OSBPL9: variants seen among roughly 807,000 people sequenced by gnomAD.
OSBPL9 encodes the protein oxysterol binding protein like 9.
In OSBPL9, 40 loss-of-function variants were observed where a neutral mutation model predicts 106.6. The ratio of observed to expected loss-of-function variants is 0.38; its 90% CI spans 0.29 to 0.49. The LOEUF is 0.49. Ranked by LOEUF, OSBPL9 falls within the 20% of genes least tolerant of loss-of-function variation. The pLI, the probability that OSBPL9 is intolerant of heterozygous loss-of-function variation, is 0.97. For synonymous variants in OSBPL9, 269 were observed against 295.4 expected (o/e 0.91, Z 0.92); for missense variants, 609 against 887.2 (o/e 0.69, Z 3.98).
chr1:51,787,469 A>G lies in OSBPL9; in HGVS notation c.2117A>G (p.Glu706Gly). 1 of 1,614,026 alleles carries G rather than the reference A, an allele frequency of 6.2e-7. No individual in the cohort carries two copies. The highest frequency in any genetic ancestry group is 1.3e-5 in the African/African-American group (1 of 75,048). ...GAAGCCCGAGAAAGGAAGGAGAAGGAAATTCAGTGGGAGACAAGGGTAAGC... is the reference window on the plus strand; with the variant it reads ...GAAGCCCGAGAAAGGAAGGAGAAGGGAATTCAGTGGGAGACAAGGGTAAGC... Reference protein sequence around the residue: ...RAEARERKEKEIQWETRLFHE... With the variant: ...RAEARERKEKGIQWETRLFHE... Residue 706 changes from glutamate to glycine, a missense_variant, in exon 23 of 24, where the codon GAA becomes GGA. Around this residue, in one of 5 missense-constraint regions of OSBPL9, gnomAD observed 132 missense variants for 158.1 expected, o/e 0.83. Coordinates refer to ENST00000428468, the MANE Select transcript of OSBPL9 (RefSeq NM_024586.6).
chr1:51,554,236 C>A, the OSBPL9 span, among the ~76,000 whole-genome samples: 1 of 152,144 alleles, frequency 6.6e-6, no homozygotes, highest in East Asian at 1.9e-4. Flanking sequence ...AAAACAGATG[C>A]ATAATTGTAG....
At chr1:51,773,248 T>C (rs547044931) in intron 14 of OSBPL9, among the ~76,000 whole-genome samples, 69 of 152,288 alleles carry the variant, frequency 4.5e-4, no homozygotes, top group Middle Eastern at 3.4e-3. Context: ...ATGACACATA[T>C]TGAGTCATGC....
intron 1 of OSBPL9, among the ~76,000 whole-genome samples, chr1:51,645,450 T>C (rs1434375935): frequency 6.6e-6 from 1 of 152,110 alleles, no homozygotes; most frequent in African/African-American, 2.4e-5. Flanking sequence ...GTTTGTCTTT[T>C]CACTTTCTTG....
the OSBPL9 span, among the ~76,000 whole-genome samples, chr1:51,545,214 C>T: frequency 2.6e-5 from 4 of 151,940 alleles, no homozygotes; most frequent in South Asian, 2.1e-4. Flanking sequence ...AACTGGGTTG[C>T]GATCTTATTA....
chr1:51,764,540 T>C (rs1672168293), intron 11 of OSBPL9, among the ~76,000 whole-genome samples: 1 of 151,960 alleles, frequency 6.6e-6, no homozygotes, highest in Non-Finnish European at 1.5e-5. Flanking sequence ...TATTGAACCA[T>C]ACATATAGGA....
intron 4 of OSBPL9, among the ~76,000 whole-genome samples, chr1:51,730,509 G>C (rs376128134): frequency 2.0e-5 from 3 of 152,140 alleles, no homozygotes; most frequent in Non-Finnish European, 2.9e-5. Flanking sequence ...TATTGTTTTT[G>C]AGTATGTGTG....
At chr1:51,675,351 AAATTAATT>A (rs796335507) in intron 3 of OSBPL9, among the ~76,000 whole-genome samples, 1 of 151,944 alleles carries the variant, frequency 6.6e-6, no homozygotes, top group African/African-American at 2.4e-5. Context: ...GAGAAGCCAG[AAATTAATT>A]AATTAATTAA....
At chr1:51,528,708 C>CA in the OSBPL9 span, among the ~76,000 whole-genome samples, 270 of 151,696 alleles carry the variant, frequency 1.8e-3, 1 homozygote, top group African/African-American at 6.0e-3. Context: ...CCTGTCTCTG[C>CA]AAAAAAATGC....
intron 1 of OSBPL9, among the ~76,000 whole-genome samples, chr1:51,592,205 C>T (rs1478013378): frequency 1.3e-5 from 2 of 149,438 alleles, no homozygotes; most frequent in African/African-American, 4.9e-5. Context: ...AGCTCCGCCT[C>T]ACAGGTTCAA....
rs1312463797 is a variant in OSBPL9 at position 51,746,232 on chromosome 1, G to A, written c.415-478G>A. Among the ~76,000 whole-genome samples the A allele has an allele frequency of 2.0e-5, 3 of 152,146 alleles. No homozygotes were observed. The East Asian group carries it at 5.8e-4, about 29-fold the overall frequency. ...GCTGGGATTACAGGTGTGAGTCACC[G>A]TGCCCTGCCTAGTGGCTCAATTTCT... On this transcript the variant is annotated intron_variant, in intron 5 of 23. Coordinates refer to ENST00000428468, the MANE Select transcript of OSBPL9 (RefSeq NM_024586.6).
In OSBPL9 at chr1:51,745,636, G is replaced by T; in HGVS notation, c.414+5G>T. On this transcript the variant is annotated splice_donor_5th_base_variant and intron_variant, in intron 5 of 23. Transcript: ENST00000428468. ...ATCTTGATTGAACAATTAAAGGTATGGCATTAGTTTGTATATTAAATTTAT... is the reference window on the plus strand; with the variant it reads ...ATCTTGATTGAACAATTAAAGGTATTGCATTAGTTTGTATATTAAATTTAT... The T allele has an allele frequency of 6.5e-7, 1 of 1,547,792 alleles. No individual in the cohort carries two copies. Among genetic ancestry groups the T allele is most frequent in the South Asian group, 1.3e-5 (1 of 79,708 alleles).
rs571409363 is a variant in OSBPL9 at position 51,638,497 on chromosome 1, A to G, written c.112-13494A>G. On this transcript the variant is annotated intron_variant, in intron 1 of 23. Coordinates refer to ENST00000428468, the MANE Select transcript of OSBPL9 (RefSeq NM_024586.6). Reference sequence around the variant, plus strand: ...TGTGGTGGCTCACACCTGTAATCCCAGTACTGCTTGAGGCCAGGAATTTGA... The same window carrying G: ...TGTGGTGGCTCACACCTGTAATCCCGGTACTGCTTGAGGCCAGGAATTTGA... 2.0e-5 allele frequency among the ~76,000 whole-genome samples: 3 copies of G among 152,104 alleles called. No individual in the cohort carries two copies. In the South Asian group the frequency reaches 6.2e-4, roughly 32 times the overall value.
intron 2 of OSBPL9, among the ~76,000 whole-genome samples, chr1:51,606,931 T>G (rs1036568546): frequency 6.6e-6 from 1 of 151,646 alleles, no homozygotes; most frequent in Non-Finnish European, 1.5e-5. Context: ...GCGCCTGTAG[T>G]CCCAGCTACT....
chr1:51,664,264 G>A (rs560272179), intron 2 of OSBPL9, among the ~76,000 whole-genome samples: 185 of 152,244 alleles, frequency 1.2e-3, no homozygotes, highest in African/African-American at 4.3e-3. Flanking sequence ...TCTATACAGA[G>A]GAATGATATA....
At chr1:51,545,314 A>G in the OSBPL9 span, among the ~76,000 whole-genome samples, 1 of 152,246 alleles carries the variant, frequency 6.6e-6, no homozygotes. Flanking sequence ...CATAGATACA[A>G]CAGGCAAAAC....
intron 1 of OSBPL9, among the ~76,000 whole-genome samples, chr1:51,577,931 C>T (rs183419309): frequency 6.6e-6 from 1 of 152,262 alleles, no homozygotes; most frequent in East Asian, 1.9e-4. Flanking sequence ...CATGAAATCA[C>T]GTGTGAGAAA....
chr1:51,760,772 T>C lies in OSBPL9; in HGVS notation c.665T>C (p.Leu222Ser). 6.2e-7 allele frequency: 1 copy of C among 1,613,670 alleles called. No individual in the cohort carries two copies. The change falls in exon 10 of 24, where the codon TTA becomes TCA. Residue 222 changes from leucine to serine, a missense_variant. Coordinates refer to ENST00000428468, the MANE Select transcript of OSBPL9 (RefSeq NM_024586.6). ...AGCACAATGCCTTCCCAGACTGTGT[T>C]ACCTCCAGGTAATTTGGGAAAATGT... The part of the protein sequence containing the change: ...VISTMPSQTV[L>S]PPEPVQLCKS...
At chr1:51,533,843 TTC>T in the OSBPL9 span, among the ~76,000 whole-genome samples, 1 of 143,750 alleles carries the variant, frequency 7.0e-6, no homozygotes, top group African/African-American at 2.6e-5. Flanking sequence ...TCTTTTTTCT[TTC>T]TTTTTTTTTT....
At chr1:51,572,803 T>TG (rs1214232442), upstream of OSBPL9, among the ~76,000 whole-genome samples, 1 of 152,242 alleles carries the variant, frequency 6.6e-6, no homozygotes, top group Admixed American at 6.5e-5. Context: ...ATTCAATGAA[T>TG]GGACATATTA....
Sources: gnomAD v4.1 joint callset for allele counts (sites outside exome capture counted in the v4.1 genomes callset) on GRCh38, gnomAD v4.1.1 for gene constraint, gnomAD v4.1.1 regional missense constraint, MANE v1.5 for transcripts, NCBI Gene and HGNC (gene_info 2026-07-23, HGNC 2026-07-21) for gene names.